ADAMTS17: variants seen among roughly 807,000 people sequenced by gnomAD.
ADAMTS17 encodes the protein ADAM metallopeptidase with thrombospondin type 1 motif 17, also known as A disintegrin and metalloproteinase with thrombospondin motifs 17.
ADAMTS17 carries 113 observed loss-of-function variants against 141.5 expected under a neutral mutation model. The ratio of observed to expected loss-of-function variants is 0.80; its 90% CI spans 0.69 to 0.93. The LOEUF is 0.93. Ranked by LOEUF, ADAMTS17 falls within the 40% of genes least tolerant of loss-of-function variation. The pLI, the probability that ADAMTS17 is intolerant of heterozygous loss-of-function variation, is 0.00. For synonymous variants in ADAMTS17, 768 were observed against 630.6 expected, an observed-to-expected ratio of 1.22 and a Z score of -3.27; for missense variants, 1,659 against 1,517.9, an observed-to-expected ratio of 1.09 and a Z score of -1.54.
At chr15:100,154,444 C>T (rs2039335618) in intron 9 of ADAMTS17, among the ~76,000 whole-genome samples, 1 of 152,168 alleles carries the variant, frequency 6.6e-6, no homozygotes, top group Non-Finnish European at 1.5e-5. Context: ...CTTGAATGTG[C>T]TACTGGACTG....
intron 13 of ADAMTS17, among the ~76,000 whole-genome samples, chr15:100,115,882 G>A (rs959023279): frequency 1.3e-5 from 2 of 152,156 alleles, no homozygotes; most frequent in African/African-American, 4.8e-5. Context: ...GGCAATAGCT[G>A]CTTATTTTCT....
intron 4 of ADAMTS17, among the ~76,000 whole-genome samples, chr15:100,263,979 G>A (rs28583454): frequency 0.049 from 7,408 of 152,286 alleles, 566 homozygotes; most frequent in African/African-American, 0.16. Context: ...GGCACGCAGT[G>A]TTTGAGCATC....
chr15:100,068,290 G>A (rs953792816), intron 15 of ADAMTS17, among the ~76,000 whole-genome samples: 12 of 151,996 alleles, frequency 7.9e-5, no homozygotes, highest in Non-Finnish European at 1.8e-4. Context: ...GCAGCTCAAG[G>A]AGGCCTGCCT....
chr15:100,312,792 T>A (rs561584489), intron 3 of ADAMTS17, among the ~76,000 whole-genome samples: 17 of 152,250 alleles, frequency 1.1e-4, no homozygotes, highest in Admixed American at 3.9e-4. Flanking sequence ...GGTCACTCCA[T>A]ACAGTCCCAT....
chr15:100,222,043 G>A (rs999447832), intron 7 of ADAMTS17, among the ~76,000 whole-genome samples: 1 of 152,190 alleles, frequency 6.6e-6, no homozygotes, highest in East Asian at 1.9e-4. Context: ...TTTATTAAAC[G>A]AAGTCACGCC....
At chr15:100,048,753 G>A in intron 18 of ADAMTS17, 104 bp downstream of exon 18, 1 of 1,532,122 alleles carries the variant, frequency 6.5e-7, no homozygotes, top group Non-Finnish European at 9.0e-7. Flanking sequence ...ACGGAACACA[G>A]CATAGAGCAG....
At chr15:100,025,414 CTTTT>C (rs530003718) in intron 18 of ADAMTS17, among the ~76,000 whole-genome samples, 2 of 135,966 alleles carry the variant, frequency 1.5e-5, no homozygotes, top group African/African-American at 5.4e-5. Context: ...CTTTTCTTTT[CTTTT>C]TTTTTTTTTT....
intron 13 of ADAMTS17, among the ~76,000 whole-genome samples, chr15:100,112,081 A>G (rs955021735): frequency 2.6e-5 from 4 of 152,246 alleles, no homozygotes; most frequent in African/African-American, 9.6e-5. Context: ...ACTTGGGTAG[A>G]AAAGCAGAGG....
chr15:100,054,199 C>T (rs1031088330), intron 15 of ADAMTS17, 145 bp from the exon 16 acceptor site: 83 of 924,428 alleles, frequency 9.0e-5, no homozygotes, highest in Middle Eastern at 5.7e-4. Flanking sequence ...CGAGAGAAGG[C>T]GAGTGCTCTG....
intron 15 of ADAMTS17, among the ~76,000 whole-genome samples, chr15:100,084,323 G>A (rs970658979): frequency 6.6e-6 from 1 of 152,216 alleles, no homozygotes; most frequent in Non-Finnish European, 1.5e-5. Context: ...CGAGGCTTGA[G>A]TAGGTAAACA....
intron 2 of ADAMTS17, among the ~76,000 whole-genome samples, chr15:100,334,216 T>C (rs1371826439): frequency 6.6e-6 from 1 of 152,188 alleles, no homozygotes; most frequent in African/African-American, 2.4e-5. Flanking sequence ...ATAGAGGTTT[T>C]TATCACCTAA....
chr15:100,202,777 GA>G (rs2041385073), intron 7 of ADAMTS17, among the ~76,000 whole-genome samples: 1 of 152,164 alleles, frequency 6.6e-6, no homozygotes, highest in African/African-American at 2.4e-5. Context: ...AAGAAATGAG[GA>G]AAAACCAGTT....
intron 18 of ADAMTS17, among the ~76,000 whole-genome samples, chr15:100,019,470 A>T (rs1178859915): frequency 6.6e-6 from 1 of 152,188 alleles, no homozygotes; most frequent in South Asian, 2.1e-4. Flanking sequence ...GAAAATTTTT[A>T]TAAGAAAAAT....
At position 100,049,355 on chromosome 15, in the gene ADAMTS17, T is replaced by C. The variant is rs149691566; in HGVS notation, c.2456-363A>G. Among the ~76,000 whole-genome samples the C allele has an allele frequency of 3.1e-3, 475 of 152,330 alleles. 2 individuals are homozygous for C. The highest frequency in any genetic ancestry group is 0.011 in the African/African-American group (443 of 41,576). On this transcript the variant is annotated intron_variant, in intron 17 of 21. Coordinates refer to ENST00000268070, the MANE Select transcript of ADAMTS17 (RefSeq NM_139057.4). ...ATGTTTAAAGTCTATGGAGATCTGATCTCAATTAAAGACCTGCACATCAGC... is the reference window on the plus strand; with the variant it reads ...ATGTTTAAAGTCTATGGAGATCTGACCTCAATTAAAGACCTGCACATCAGC...
chr15:100,303,817 G>C (rs1441376797), intron 3 of ADAMTS17, among the ~76,000 whole-genome samples: 1 of 152,136 alleles, frequency 6.6e-6, no homozygotes, highest in East Asian at 1.9e-4. Context: ...CCTCCTGGGA[G>C]GTTCAAGCGA....
chr15:100,206,297 G>A (rs117812627), intron 7 of ADAMTS17, among the ~76,000 whole-genome samples: 21 of 152,318 alleles, frequency 1.4e-4, no homozygotes, highest in East Asian at 3.9e-4. Context: ...GCACTGCACC[G>A]TCACCTGTGT....
At chr15:100,084,775 T>G (rs1251263505) in intron 15 of ADAMTS17, among the ~76,000 whole-genome samples, 1 of 152,190 alleles carries the variant, frequency 6.6e-6, no homozygotes, top group African/African-American at 2.4e-5. Flanking sequence ...GACCTGTAGC[T>G]GAGGGTCCTC....
intron 3 of ADAMTS17, among the ~76,000 whole-genome samples, chr15:100,321,210 A>G (rs1430175890): frequency 1.3e-5 from 2 of 152,224 alleles, no homozygotes; most frequent in Admixed American, 6.5e-5. Flanking sequence ...TAGATTATCA[A>G]ATTTCCACAC....
chr15:100,036,198 A>G (rs888950985), intron 18 of ADAMTS17, among the ~76,000 whole-genome samples: 1 of 152,234 alleles, frequency 6.6e-6, no homozygotes, highest in African/African-American at 2.4e-5. Flanking sequence ...CTCCAGGGGA[A>G]AGGCAAGGAG....
Sources: gnomAD v4.1 joint callset for allele counts (sites outside exome capture counted in the v4.1 genomes callset) on GRCh38, gnomAD v4.1.1 for gene constraint, MANE v1.5 for transcripts, NCBI Gene and HGNC (gene_info 2026-07-23, HGNC 2026-07-21) for gene names.